Variants in LYPD6 observed in about 807,000 individuals in gnomAD.
LYPD6 encodes ly6/PLAUR domain-containing protein 6.
Under a neutral mutation model 22.7 loss-of-function variants are expected in LYPD6, and 15 were observed. The observed-to-expected ratio is 0.66, with a 90% CI of 0.44 to 1.02. LYPD6 has a LOEUF of 1.02. Among genes scored for constraint, LYPD6 ranks in the 50% least tolerant of loss-of-function variants. The pLI is 0.00. For missense variants in LYPD6, 189 were observed against 208.4 expected, an observed-to-expected ratio of 0.91 and a Z score of 0.57; for synonymous variants, 72 against 77.5, an observed-to-expected ratio of 0.93 and a Z score of 0.37.
intron 1 of LYPD6, among the ~76,000 whole-genome samples, chr2:149,346,192 A>T (rs1015624182): frequency 3.3e-5 from 5 of 152,206 alleles, no homozygotes; most frequent in Non-Finnish European, 5.9e-5. Flanking sequence ...AAAAACAGTT[A>T]AAAAATATTT....
intron 1 of LYPD6, among the ~76,000 whole-genome samples, chr2:149,379,979 G>A (rs1481707644): frequency 6.6e-6 from 1 of 152,166 alleles, no homozygotes; most frequent in Non-Finnish European, 1.5e-5. Flanking sequence ...GCAGAGGAAC[G>A]GGAAGGATTT....
At chr2:149,417,910 A>G (rs1052378997) in intron 1 of LYPD6, among the ~76,000 whole-genome samples, 2 of 152,242 alleles carry the variant, frequency 1.3e-5, no homozygotes, top group African/African-American at 4.8e-5. Context: ...AATATTTATT[A>G]AATGAATGAA....
At chr2:149,425,072 T>C (rs749646936) in intron 1 of LYPD6, among the ~76,000 whole-genome samples, 4 of 152,146 alleles carry the variant, frequency 2.6e-5, no homozygotes, top group African/African-American at 4.8e-5. Flanking sequence ...CCTTTTTTCT[T>C]CCAGATAAGC....
intron 3 of LYPD6, among the ~76,000 whole-genome samples, chr2:149,461,236 G>A (rs1366334397): frequency 1.3e-5 from 2 of 151,524 alleles, no homozygotes; most frequent in Non-Finnish European, 3.0e-5. Flanking sequence ...AAAACATTAA[G>A]GTACTAAGAA....
intron 1 of LYPD6, among the ~76,000 whole-genome samples, chr2:149,352,638 C>T (rs917693198): frequency 6.6e-6 from 1 of 152,152 alleles, no homozygotes; most frequent in Non-Finnish European, 1.5e-5. Context: ...TTTGTTAGAA[C>T]TCAGCCATTG....
chr2:149,479,167 G>A, the LYPD6 span, among the ~76,000 whole-genome samples: 2 of 152,166 alleles, frequency 1.3e-5, no homozygotes, highest in South Asian at 2.1e-4. Flanking sequence ...TCAACACTTC[G>A]TCTAGTCCCT....
chr2:149,452,455 C>T (rs1193640318), intron 3 of LYPD6, among the ~76,000 whole-genome samples: 1 of 152,142 alleles, frequency 6.6e-6, no homozygotes, highest in Non-Finnish European at 1.5e-5. Flanking sequence ...CTAGATTTTT[C>T]TGTTAGTAGT....
chr2:149,396,348 G>A (rs143967926), intron 1 of LYPD6, among the ~76,000 whole-genome samples: 1 of 151,886 alleles, frequency 6.6e-6, no homozygotes, highest in East Asian at 1.9e-4. Context: ...GTCACACCAA[G>A]AACTTCAGAA....
At chr2:149,448,657 C>G (rs1406979242) in intron 2 of LYPD6, among the ~76,000 whole-genome samples, 2 of 152,132 alleles carry the variant, frequency 1.3e-5, no homozygotes, top group Admixed American at 6.5e-5. Context: ...TTTATTCACT[C>G]CAAATAATTT....
chr2:149,334,690 A>G (rs1681001709), intron 1 of LYPD6, among the ~76,000 whole-genome samples: 1 of 151,612 alleles, frequency 6.6e-6, no homozygotes, highest in African/African-American at 2.4e-5. Flanking sequence ...AAGAAACCAG[A>G]CCCGTGTCCC....
intron 2 of LYPD6, among the ~76,000 whole-genome samples, chr2:149,438,942 G>T (rs1683495582): frequency 6.6e-6 from 1 of 152,206 alleles, no homozygotes; most frequent in Non-Finnish European, 1.5e-5. Flanking sequence ...TTAGCACTGA[G>T]TGTGAGACAT....
chr2:149,347,304 C>T (rs974689306), intron 1 of LYPD6, among the ~76,000 whole-genome samples: 3 of 152,188 alleles, frequency 2.0e-5, no homozygotes, highest in Non-Finnish European at 4.4e-5. Flanking sequence ...TCTCCAAATA[C>T]TGTCGCATCA....
chr2:149,386,991 C>T (rs1431941290), intron 1 of LYPD6, among the ~76,000 whole-genome samples: 1 of 152,158 alleles, frequency 6.6e-6, no homozygotes, highest in Non-Finnish European at 1.5e-5. Context: ...CTGTCCCCAC[C>T]CCCAACATGA....
intron 1 of LYPD6, among the ~76,000 whole-genome samples, chr2:149,413,115 T>C (rs1573786653): frequency 6.6e-6 from 1 of 152,212 alleles, no homozygotes; most frequent in South Asian, 2.1e-4. Flanking sequence ...AACACATCTT[T>C]AAGTACCATC....
At chr2:149,411,304 A>G (rs1294202939) in intron 1 of LYPD6, among the ~76,000 whole-genome samples, 1 of 147,112 alleles carries the variant, frequency 6.8e-6, no homozygotes, top group African/African-American at 2.5e-5. Context: ...ATGTGTGTGT[A>G]TTTTTTTTTT....
rs768515557 is a variant in LYPD6 at position 149,470,685 on chromosome 2, C to A, written c.351C>A (p.Val117=). The change falls in exon 5 of 5, where the codon GTC becomes GTA. Residue 117 remains valine, a splice_region_variant and synonymous_variant. Coordinates refer to ENST00000334166, the MANE Select transcript of LYPD6 (RefSeq NM_194317.5). ...CRDSEHEGHK[V]CTSCCEGNIC... The stretch of plus-strand genomic sequence containing the variant: ...CTTTTTTTCTTCCTTTCTTTCAGGT[C>A]TGCACTTCTTGTTGTGAAGGAAATA... The A allele has an allele frequency of 3.7e-6, 6 of 1,612,960 alleles. 1 individual carries two copies. In the South Asian group the frequency reaches 6.6e-5, roughly 18 times the overall value.
At chr2:149,377,516 C>T (rs1306287562) in intron 1 of LYPD6, among the ~76,000 whole-genome samples, 2 of 152,186 alleles carry the variant, frequency 1.3e-5, no homozygotes, top group African/African-American at 2.4e-5. Context: ...TGCGGTGGCT[C>T]ATACCTGTAA....
chr2:149,442,457 C>G (rs58068054), intron 2 of LYPD6, among the ~76,000 whole-genome samples: 1,831 of 152,212 alleles, frequency 0.012, 47 homozygotes, highest in African/African-American at 0.042. Flanking sequence ...CAATCACCTT[C>G]TCTTAAGGGA....
intron 1 of LYPD6, among the ~76,000 whole-genome samples, chr2:149,426,354 G>C (rs931019636): frequency 1.3e-5 from 2 of 152,202 alleles, no homozygotes; most frequent in Non-Finnish European, 2.9e-5. Flanking sequence ...TGCCAGGTAG[G>C]ACACAAGATT....
Sources: gnomAD v4.1 joint callset for allele counts (sites outside exome capture counted in the v4.1 genomes callset) on GRCh38, gnomAD v4.1.1 for gene constraint, MANE v1.5 for transcripts, NCBI Gene and HGNC (gene_info 2026-07-23, HGNC 2026-07-21) for gene names.